Variants in LDB3 observed in about 807,000 individuals in gnomAD.
The protein encoded by LDB3 is LIM domain binding 3.
A neutral mutation model predicts 69.0 loss-of-function variants in LDB3; 49 were observed. The ratio of observed to expected loss-of-function variants is 0.71; its 90% CI spans 0.56 to 0.90. The LOEUF (loss-of-function observed/expected upper bound fraction) is 0.90, where lower values mean the gene tolerates loss of function less well. Among genes scored for constraint, LDB3 ranks in the 40% least tolerant of loss-of-function variants. LDB3 has a pLI of 0.00. For missense variants in LDB3, 928 were observed against 974.1 expected (o/e 0.95, Z 0.63); for synonymous variants, 387 against 396.2 (o/e 0.98, Z 0.28).
intron 5 of LDB3, among the ~76,000 whole-genome samples, chr10:86,687,801 C>G (rs535687662): frequency 6.6e-6 from 1 of 152,220 alleles, no homozygotes; most frequent in Non-Finnish European, 1.5e-5. Flanking sequence ...CTAGGAAGCC[C>G]GGCCTCAAGG....
At chr10:86,711,863 G>C (rs1846682529) in intron 9 of LDB3, among the ~76,000 whole-genome samples, 1 of 150,528 alleles carries the variant, frequency 6.6e-6, no homozygotes, top group Non-Finnish European at 1.5e-5. Flanking sequence ...AGCCGGGCCC[G>C]GCCCGGCGTG....
intron 5 of LDB3, among the ~76,000 whole-genome samples, chr10:86,682,938 C>CCCA (rs985783808): frequency 6.7e-6 from 1 of 149,588 alleles, no homozygotes; most frequent in African/African-American, 2.6e-5. Context: ...CCTCAGCTTC[C>CCCA]CCACCCCCCC....
At chr10:86,693,744 T>G (rs1845879090) in intron 7 of LDB3, among the ~76,000 whole-genome samples, 1 of 152,230 alleles carries the variant, frequency 6.6e-6, no homozygotes, top group Non-Finnish European at 1.5e-5. Context: ...TCCAGCTGCT[T>G]TAAGTGCCAG....
In LDB3 at chr10:86,681,434, A is replaced by G. The variant is rs1281240624; in HGVS notation, c.322-2A>G. 1 of 1,601,452 alleles carries G rather than the reference A, an allele frequency of 6.2e-7. No homozygotes were observed. Among genetic ancestry groups the G allele is most frequent in the Non-Finnish European group, 8.5e-7 (1 of 1,179,800 alleles). On this transcript the variant is annotated splice_acceptor_variant, in intron 4 of 13. Transcript: ENST00000361373. LOFTEE classifies it high-confidence loss of function. Reference sequence around the variant, plus strand: ...TCCCCTGCATGGCCTGCCCTGTGCCAGGACCCCGCTCTGGACACGAACGGC... The same window carrying G: ...TCCCCTGCATGGCCTGCCCTGTGCCGGGACCCCGCTCTGGACACGAACGGC...
At chr10:86,679,541 A>G in intron 3 of LDB3, 23 bp downstream of exon 3, 2 of 1,613,046 alleles carry the variant, frequency 1.2e-6, no homozygotes, top group Non-Finnish European at 1.7e-6. Context: ...TCTCCAGAGC[A>G]GGGGGCGGAG....
At chr10:86,727,911 C>T (rs1046896808) in intron 13 of LDB3, among the ~76,000 whole-genome samples, 6 of 151,388 alleles carry the variant, frequency 4.0e-5, no homozygotes, top group Non-Finnish European at 4.4e-5. Flanking sequence ...GATCACAGCT[C>T]ACGGCAAACT....
At chr10:86,676,554 G>A in intron 2 of LDB3, among the ~76,000 whole-genome samples, 1 of 115,222 alleles carries the variant, frequency 8.7e-6, no homozygotes, top group South Asian at 3.2e-4. Flanking sequence ...ATCAGAGCAA[G>A]ACCCTGTCTC....
intron 6 of LDB3, 68 bp from the exon 7 acceptor site, chr10:86,692,467 C>T: frequency 6.6e-7 from 1 of 1,517,248 alleles, no homozygotes; most frequent in Non-Finnish European, 9.2e-7. Context: ...TCAGTGCCCA[C>T]AGAGCCCCAG....
chr10:86,732,461 G>C (rs1313789478), intron 13 of LDB3: 6 of 454,834 alleles, frequency 1.3e-5, no homozygotes, highest in Non-Finnish European at 2.6e-5. Flanking sequence ...GGAGAAATAG[G>C]CTGTTGCCTT....
Position 86,723,923 on chromosome 10 carries a change from A to G in LDB3, c.1979-2214A>G, listed in dbSNP as rs1589682866. Among the ~76,000 whole-genome samples, 6 of 152,378 alleles carry G rather than the reference A, an allele frequency of 3.9e-5. No homozygotes were observed. In the Middle Eastern group the frequency reaches 0.02, roughly 518 times the overall value. ...GGAGCTGGAGACAGCGTAAAGCCAT[A>G]GAAGGAGGATGAACATTGGAGTCCA... is the stretch of plus-strand genomic sequence containing the variant. On this transcript the variant is annotated intron_variant, in intron 12 of 13. Transcript: ENST00000361373.
chr10:86,686,974 C>T (rs976396653), intron 5 of LDB3: 26 of 1,123,176 alleles, frequency 2.3e-5, no homozygotes, highest in South Asian at 1.1e-4. Context: ...CGACACCCAC[C>T]GCGCCCAGCC....
intron 7 of LDB3, among the ~76,000 whole-genome samples, chr10:86,695,515 T>C (rs1156482338): frequency 6.6e-6 from 1 of 152,208 alleles, no homozygotes; most frequent in African/African-American, 2.4e-5. Context: ...AGGCATCAGC[T>C]ATGAACTTCC....
chr10:86,698,650 T>A (rs1370714866), intron 7 of LDB3, among the ~76,000 whole-genome samples: 2 of 152,320 alleles, frequency 1.3e-5, no homozygotes, highest in East Asian at 3.9e-4. Context: ...CTTGTGAGTA[T>A]GTGTGGGTAT....
At chr10:86,713,903 A>ATGTTCCATTTCCCTTCCC (rs1589671785) in intron 9 of LDB3, among the ~76,000 whole-genome samples, 1 of 152,202 alleles carries the variant, frequency 6.6e-6, no homozygotes, top group East Asian at 1.9e-4. Context: ...TGACTTCAGG[A>ATGTTCCATTTCCCTTCCC]TGTTCCATTT....
chr10:86,732,526 C>A (rs1466807886), intron 13 of LDB3: 1 of 457,106 alleles, frequency 2.2e-6, no homozygotes, highest in Non-Finnish European at 4.4e-6. Context: ...TTGCTTTAGA[C>A]AGTCTTGCTA....
chr10:86,715,658 C>T (rs1031914050), intron 9 of LDB3, among the ~76,000 whole-genome samples: 12 of 152,174 alleles, frequency 7.9e-5, no homozygotes, highest in African/African-American at 2.9e-4. Context: ...AAGTGAGCAG[C>T]TACTTCTAGG....
At chr10:86,721,280 G>A (rs1847077860) in intron 12 of LDB3, among the ~76,000 whole-genome samples, 1 of 152,234 alleles carries the variant, frequency 6.6e-6, no homozygotes, top group East Asian at 1.9e-4. Flanking sequence ...TAACGGGTAT[G>A]AGGTGAAACT....
At chr10:86,697,355 G>A (rs1394550008) in intron 7 of LDB3, among the ~76,000 whole-genome samples, 2 of 150,632 alleles carry the variant, frequency 1.3e-5, no homozygotes, top group African/African-American at 2.4e-5. Context: ...CTGAGTAGCT[G>A]GGATTACAGG....
In LDB3 at chr10:86,681,733, C is replaced by T; in HGVS notation, c.619C>T (p.Leu207=). The change falls in exon 5 of 14, where the codon CTG becomes TTG. Residue 207 remains leucine (L), a synonymous_variant. Coordinates refer to ENST00000361373, the MANE Select transcript of LDB3 (RefSeq NM_007078.3). ...NPIGLYSAET[L]REMAQMYQMS... is the part of the protein sequence containing the mutation. ...CATTGGCCTGTACTCGGCAGAGACC[C>T]TGAGGGAGATGGCTCAGATGTACCA... is the stretch of plus-strand genomic sequence containing the variant. 1 of 1,609,256 alleles carries T rather than the reference C, an allele frequency of 6.2e-7. No homozygotes were observed. The highest frequency in any genetic ancestry group is 1.1e-5 in the South Asian group (1 of 90,622).
Sources: gnomAD v4.1 joint callset for allele counts (sites outside exome capture counted in the v4.1 genomes callset) on GRCh38, gnomAD v4.1.1 for gene constraint, MANE v1.5 for transcripts, NCBI Gene and HGNC (gene_info 2026-07-23, HGNC 2026-07-21) for gene names.